The following NBEA variants were observed in gnomAD, a reference collection of about 807,000 sequenced individuals.
NBEA encodes the protein neurobeachin, also known as lysosomal-trafficking regulator 2.
In NBEA, 44 loss-of-function variants were observed where a neutral mutation model predicts 343.4. That is an observed-to-expected ratio of 0.13 (90% CI 0.10 to 0.16). NBEA has a LOEUF of 0.16. NBEA is among the 10% of genes least tolerant of loss of function. The pLI is 1.00. For synonymous variants in NBEA, 1,175 were observed against 1,238.7 expected (o/e 0.95, Z 1.08); for missense variants, 2,555 against 3,631.3 (o/e 0.70, Z 7.62).
intron 51 of NBEA, 94 bp from the exon 52 acceptor site, chr13:35,649,561 A>T: frequency 9.6e-7 from 1 of 1,037,632 alleles, no homozygotes; most frequent in Non-Finnish European, 1.5e-6. Context: ...TGCTCGTGCT[A>T]GCCTTGTCTG....
chr13:35,225,941 C>G (rs1049492587), intron 33 of NBEA, among the ~76,000 whole-genome samples: 25 of 151,992 alleles, frequency 1.6e-4, no homozygotes, highest in Admixed American at 2.6e-4. Context: ...TAGAAGTCCT[C>G]TATTTAATTT....
intron 11 of NBEA, among the ~76,000 whole-genome samples, chr13:35,102,016 A>G (rs2065669849): frequency 6.6e-6 from 1 of 151,378 alleles, no homozygotes; most frequent in African/African-American, 2.4e-5. Flanking sequence ...ATTTTGTTTT[A>G]TCTTTCATAT....
intron 41 of NBEA, among the ~76,000 whole-genome samples, chr13:35,516,782 T>C (rs1328740317): frequency 6.6e-6 from 1 of 152,236 alleles, no homozygotes; most frequent in Non-Finnish European, 1.5e-5. Context: ...GTACTTAATA[T>C]GTGTCAGACA....
At chr13:35,427,212 A>C (rs1189631475) in intron 38 of NBEA, among the ~76,000 whole-genome samples, 6 of 152,028 alleles carry the variant, frequency 3.9e-5, no homozygotes. Context: ...AGGCACTCTG[A>C]TTTTTAGAGT....
At chr13:35,055,818 G>T (rs1446953131) in intron 6 of NBEA, among the ~76,000 whole-genome samples, 192 bp from the exon 7 acceptor site, 1 of 152,078 alleles carries the variant, frequency 6.6e-6, no homozygotes, top group Non-Finnish European at 1.5e-5. Flanking sequence ...TCTTCTCCAG[G>T]AGTATTCTTT....
At chr13:35,173,033 G>C (rs2070592150) in intron 26 of NBEA, among the ~76,000 whole-genome samples, 1 of 152,136 alleles carries the variant, frequency 6.6e-6, no homozygotes, top group Non-Finnish European at 1.5e-5. Context: ...TGCCCGAAAT[G>C]GGAAGTTGTG....
intron 10 of NBEA, among the ~76,000 whole-genome samples, chr13:35,088,503 G>C (rs1421986150): frequency 6.6e-6 from 1 of 151,776 alleles, no homozygotes; most frequent in Non-Finnish European, 1.5e-5. Flanking sequence ...TTCTATTTAG[G>C]AAAATGCAAG....
intron 34 of NBEA, among the ~76,000 whole-genome samples, chr13:35,264,827 A>G (rs1180103816): frequency 6.6e-6 from 1 of 151,900 alleles, no homozygotes; most frequent in Non-Finnish European, 1.5e-5. Flanking sequence ...CTAAGATCTG[A>G]GAGAGAACAA....
intron 38 of NBEA, among the ~76,000 whole-genome samples, chr13:35,367,559 T>C (rs1485209803): frequency 6.6e-6 from 1 of 151,200 alleles, no homozygotes; most frequent in Non-Finnish European, 1.5e-5. Flanking sequence ...TTGTTGTTTT[T>C]TTTTTTTCCA....
At chr13:35,157,334 C>A in intron 21 of NBEA, 64 bp downstream of exon 21, 1 of 1,221,774 alleles carries the variant, frequency 8.2e-7, no homozygotes, top group Non-Finnish European at 1.1e-6. Flanking sequence ...TGGCTACAAA[C>A]ATGCATCTGG....
At chr13:35,206,103 G>A (rs1237860880) in intron 31 of NBEA, among the ~76,000 whole-genome samples, 1 of 152,048 alleles carries the variant, frequency 6.6e-6, no homozygotes, top group South Asian at 2.1e-4. Flanking sequence ...GAGATTTTTA[G>A]TAGGCATTTA....
intron 39 of NBEA, among the ~76,000 whole-genome samples, chr13:35,444,895 A>G (rs930427122): frequency 2.0e-5 from 3 of 152,164 alleles, no homozygotes; most frequent in African/African-American, 7.2e-5. Context: ...AACCTACATT[A>G]CATTTAAAAT....
chr13:35,363,470 A>G (rs191138686), intron 38 of NBEA, among the ~76,000 whole-genome samples: 3 of 151,844 alleles, frequency 2.0e-5, no homozygotes, highest in Admixed American at 1.3e-4. Context: ...GGAATTAACT[A>G]CTTGAACCCT....
intron 1 of NBEA, among the ~76,000 whole-genome samples, chr13:34,967,514 G>A (rs2059861073): frequency 6.6e-6 from 1 of 151,956 alleles, no homozygotes; most frequent in African/African-American, 2.4e-5. Context: ...GATTGAGACT[G>A]TTTTTGTCTT....
chr13:35,631,231 T>G (rs1338409469), intron 49 of NBEA, among the ~76,000 whole-genome samples: 1 of 152,078 alleles, frequency 6.6e-6, no homozygotes, highest in Non-Finnish European at 1.5e-5. Flanking sequence ...TAGTGGTCAT[T>G]TATGCACCCT....
chr13:35,456,138 C>T (rs763662459), intron 40 of NBEA, among the ~76,000 whole-genome samples: 4 of 152,028 alleles, frequency 2.6e-5, no homozygotes, highest in Non-Finnish European at 5.9e-5. Flanking sequence ...TACAATTTTA[C>T]TTAATGTTGG....
At chr13:35,241,010 T>C (rs1288223516) in intron 34 of NBEA, among the ~76,000 whole-genome samples, 3 of 151,832 alleles carry the variant, frequency 2.0e-5, no homozygotes, top group Non-Finnish European at 4.4e-5. Flanking sequence ...TGGTGAACTA[T>C]ATCATATTCA....
intron 1 of NBEA, among the ~76,000 whole-genome samples, chr13:34,979,349 A>C (rs999826289): frequency 6.6e-6 from 1 of 152,108 alleles, no homozygotes; most frequent in Non-Finnish European, 1.5e-5. Flanking sequence ...GTGAAACCCC[A>C]CTTCTACTAA....
At chr13:35,586,406 C>T (rs549025740) in intron 46 of NBEA, among the ~76,000 whole-genome samples, 4 of 152,288 alleles carry the variant, frequency 2.6e-5, no homozygotes, top group African/African-American at 7.2e-5. Flanking sequence ...CATAATTCTA[C>T]ACCAGCATAA....
Sources: gnomAD v4.1 joint callset for allele counts (sites outside exome capture counted in the v4.1 genomes callset) on GRCh38, gnomAD v4.1.1 for gene constraint, MANE v1.5 for transcripts, NCBI Gene and HGNC (gene_info 2026-07-23, HGNC 2026-07-21) for gene names.